PPP1R14C: variants seen among roughly 807,000 people sequenced by gnomAD.
The protein encoded by PPP1R14C is protein phosphatase 1 regulatory inhibitor subunit 14C.
In PPP1R14C, 16 loss-of-function variants were observed where a neutral mutation model predicts 20.4. That is an observed-to-expected ratio of 0.78 (90% CI 0.53 to 1.19). The LOEUF is 1.19. Ranked by LOEUF, PPP1R14C falls within the 50% of genes most tolerant of loss-of-function variation. The pLI is 0.00. For missense variants in PPP1R14C, 211 were observed against 220.1 expected, an observed-to-expected ratio of 0.96 and a Z score of 0.26; for synonymous variants, 91 against 91.0, an observed-to-expected ratio of 1.00 and a Z score of 0.00.
At chr6:150,196,319 G>T (rs563804365) in intron 1 of PPP1R14C, among the ~76,000 whole-genome samples, 126 of 81,244 alleles carry the variant, frequency 1.6e-3, no homozygotes, top group Non-Finnish European at 3.5e-3. Context: ...AAATCATTCA[G>T]TCAGTCACTC....
In PPP1R14C at chr6:150,208,761, T is replaced by C. The variant is rs149110030; in HGVS notation, c.307-5983T>C. Among the ~76,000 whole-genome samples the C allele has an allele frequency of 2.7e-3, 415 of 152,310 alleles. 3 individuals carry two copies. The highest frequency in any genetic ancestry group is 9.5e-3 in the African/African-American group (394 of 41,550). The stretch of plus-strand genomic sequence containing the variant: ...ATATATTAAATCTACCCTGTGGCTT[T>C]TTTCTCATTAGCCACAACAATTAAC... On this transcript the variant is annotated intron_variant, in intron 1 of 3. Coordinates refer to ENST00000361131, the MANE Select transcript of PPP1R14C (RefSeq NM_030949.3).
intron 1 of PPP1R14C, among the ~76,000 whole-genome samples, chr6:150,175,977 CACCTGTCAT>C (rs1188591218): frequency 6.6e-6 from 1 of 152,220 alleles, no homozygotes; most frequent in Non-Finnish European, 1.5e-5. Context: ...AAACCGGCCA[CACCTGTCAT>C]AAGTGACTCT....
intron 1 of PPP1R14C, among the ~76,000 whole-genome samples, chr6:150,155,388 A>C (rs1777294592): frequency 6.6e-6 from 1 of 152,230 alleles, no homozygotes; most frequent in Non-Finnish European, 1.5e-5. Flanking sequence ...GCACCATCAG[A>C]TAATCCCATT....
chr6:150,201,342 G>GTTGACCTCA lies in PPP1R14C; in HGVS notation c.307-13400_307-13392dup, dbSNP rs1171212896. Reference sequence around the variant, plus strand: ...CATTCTAAGTTTCCAGGGCTGGGAGGTTGACCTCATCACAAGTCTGGCGAA... The same window carrying GTTGACCTCA: ...CATTCTAAGTTTCCAGGGCTGGGAGGTTGACCTCATTGACCTCATCACAAGTCTGGCGAA... On this transcript the variant is annotated intron_variant, in intron 1 of 3. Coordinates refer to ENST00000361131, the MANE Select transcript of PPP1R14C (RefSeq NM_030949.3). This position sits in a 1 kb window ranked among gnomAD's most constrained non-coding sequence, Gnocchi z 4.2. Among the ~76,000 whole-genome samples the GTTGACCTCA allele has an allele frequency of 6.6e-6, 1 of 152,200 alleles. No homozygotes were observed. The highest frequency in any genetic ancestry group is 6.5e-5 in the Admixed American group (1 of 15,274).
At chr6:150,234,442 A>G (rs1562276335) in intron 3 of PPP1R14C, among the ~76,000 whole-genome samples, 1 of 152,222 alleles carries the variant, frequency 6.6e-6, no homozygotes, top group Non-Finnish European at 1.5e-5. Flanking sequence ...TACTTGTGCA[A>G]TTTATTCGTA....
Position 150,148,201 on chromosome 6 carries a change from C to T in PPP1R14C, c.306+4703C>T, listed in dbSNP as rs1000766806. Among the ~76,000 whole-genome samples the T allele has an allele frequency of 1.2e-4, 19 of 152,268 alleles. 2 individuals are homozygous for T. The South Asian group carries it at 2.3e-3, about 18-fold the overall frequency. ...TGTAATAGAGTTAGCAGACACTGGC[C>T]GAGTACTTAGCACGTACTAGGCAAG... is the stretch of plus-strand genomic sequence containing the variant. On this transcript the variant is annotated intron_variant, in intron 1 of 3. Coordinates refer to ENST00000361131, the MANE Select transcript of PPP1R14C (RefSeq NM_030949.3).
At chr6:150,151,734 G>C (rs529509603) in intron 1 of PPP1R14C, among the ~76,000 whole-genome samples, 1 of 152,300 alleles carries the variant, frequency 6.6e-6, no homozygotes, top group East Asian at 1.9e-4. Flanking sequence ...GCTGAGATCT[G>C]AGAAGTTGTC....
chr6:150,201,460 C>A lies in PPP1R14C; in HGVS notation c.307-13284C>A, dbSNP rs547862649. On this transcript the variant is annotated intron_variant, in intron 1 of 3. Coordinates refer to ENST00000361131, the MANE Select transcript of PPP1R14C (RefSeq NM_030949.3). This position sits in a 1 kb window ranked among gnomAD's most constrained non-coding sequence, Gnocchi z 4.2. ...GCACGTGCAAAGGCCCTGTGGAGGC[C>A]TGGCTGGGGAGTGTCCTGAGGGATC... 6.6e-6 allele frequency among the ~76,000 whole-genome samples: 1 copy of A among 152,262 alleles called. No homozygotes were observed. The highest frequency in any genetic ancestry group is 2.1e-4 in the South Asian group (1 of 4,822).
At chr6:150,199,255 T>G (rs912578205) in intron 1 of PPP1R14C, among the ~76,000 whole-genome samples, 2 of 152,198 alleles carry the variant, frequency 1.3e-5, no homozygotes, top group Non-Finnish European at 2.9e-5. Flanking sequence ...AAGAACAGGC[T>G]TTCAGCTGAG....
chr6:150,225,610 A>T (rs1359290216), intron 3 of PPP1R14C, among the ~76,000 whole-genome samples: 1 of 152,180 alleles, frequency 6.6e-6, no homozygotes, highest in Non-Finnish European at 1.5e-5. Flanking sequence ...TTAGGATGGG[A>T]TGGCAATTTC....
At chr6:150,156,024 C>CAAA (rs67908012) in intron 1 of PPP1R14C, among the ~76,000 whole-genome samples, 839 of 38,406 alleles carry the variant, frequency 0.022, no homozygotes, top group Non-Finnish European at 0.027. Flanking sequence ...GACTCTGTCT[C>CAAA]AAAAAAAAAA....
intron 3 of PPP1R14C, among the ~76,000 whole-genome samples, chr6:150,246,825 T>C (rs943388364): frequency 5.3e-5 from 8 of 152,174 alleles, no homozygotes; most frequent in Non-Finnish European, 1.0e-4. Context: ...ACCACTAACA[T>C]TAATTTTTAG....
At chr6:150,203,288 A>G (rs141071767) in intron 1 of PPP1R14C, among the ~76,000 whole-genome samples, 1 of 152,256 alleles carries the variant, frequency 6.6e-6, no homozygotes, top group African/African-American at 2.4e-5. Flanking sequence ...CTTTTCCAGA[A>G]CGTCCTGTAG....
chr6:150,211,392 T>C (rs2114907383), intron 1 of PPP1R14C, among the ~76,000 whole-genome samples: 1 of 152,264 alleles, frequency 6.6e-6, no homozygotes, highest in South Asian at 2.1e-4. Flanking sequence ...GCTGATAACT[T>C]TCCCCAGCAG....
At chr6:150,205,142 A>G (rs1777929499) in intron 1 of PPP1R14C, among the ~76,000 whole-genome samples, 2 of 152,070 alleles carry the variant, frequency 1.3e-5, no homozygotes, top group South Asian at 4.2e-4. Flanking sequence ...GATACTGGCA[A>G]CTTCCCTGGT....
chr6:150,156,713 A>G (rs779799742), intron 1 of PPP1R14C, among the ~76,000 whole-genome samples: 14 of 152,246 alleles, frequency 9.2e-5, no homozygotes, highest in Non-Finnish European at 1.8e-4. Flanking sequence ...GTGCTAAAAC[A>G]TGATTATGCT....
intron 2 of PPP1R14C, among the ~76,000 whole-genome samples, chr6:150,216,293 C>T (rs1267276627): frequency 1.3e-5 from 2 of 152,090 alleles, no homozygotes; most frequent in African/African-American, 2.4e-5. Flanking sequence ...GTCGGGAGTT[C>T]GAGACCAGCC....
At chr6:150,160,218 TA>T (rs1372843061) in intron 1 of PPP1R14C, among the ~76,000 whole-genome samples, 1 of 150,620 alleles carries the variant, frequency 6.6e-6, no homozygotes, top group Non-Finnish European at 1.5e-5. Flanking sequence ...CTTTCCACAC[TA>T]TATTCTTTGG....
In PPP1R14C at chr6:150,149,443, A is replaced by ATTTTTTTTTTTTTT. The variant is rs1216146263; in HGVS notation, c.306+5956_306+5957insTTTTTTTTTTTTTT. The stretch of plus-strand genomic sequence containing the variant: ...CAGGCTCAAGTGATCCTCCCACCTA[A>ATTTTTTTTTTTTTT]TTTTTTTTTTTCTTTTTTTTTTTTT... On this transcript the variant is annotated intron_variant, in intron 1 of 3. Coordinates refer to ENST00000361131, the MANE Select transcript of PPP1R14C (RefSeq NM_030949.3). Among the ~76,000 whole-genome samples the ATTTTTTTTTTTTTT allele has an allele frequency of 9.2e-5, 11 of 119,948 alleles. 1 individual carries two copies. The highest frequency in any genetic ancestry group is 3.6e-4 in the African/African-American group (11 of 30,310). 78.7% of individuals were successfully genotyped at this position (119,948 alleles called of 152,430 possible). A position where few individuals can be genotyped will look rare whatever the true frequency, so the allele number is the denominator to read the frequency against.
Sources: gnomAD v4.1 joint callset for allele counts (sites outside exome capture counted in the v4.1 genomes callset) on GRCh38, gnomAD v4.1.1 for gene constraint, Gnocchi (gnomAD v3.1) non-coding constraint, MANE v1.5 for transcripts, NCBI Gene and HGNC (gene_info 2026-07-23, HGNC 2026-07-21) for gene names.